The following UNC5D variants were observed in gnomAD, a reference collection of about 807,000 sequenced individuals.
UNC5D encodes the protein unc-5 netrin receptor D.
Under a neutral mutation model 105.4 loss-of-function variants are expected in UNC5D, and 39 were observed. The observed-to-expected ratio is 0.37, with a 90% CI of 0.29 to 0.48. The LOEUF (loss-of-function observed/expected upper bound fraction) is 0.48, where lower values mean the gene tolerates loss of function less well. Ranked by LOEUF, UNC5D falls within the 20% of genes least tolerant of loss-of-function variation. UNC5D has a pLI of 0.98. For synonymous variants in UNC5D, 452 were observed against 450.4 expected, an observed-to-expected ratio of 1.00 and a Z score of -0.04; for missense variants, 991 against 1,202.4, an observed-to-expected ratio of 0.82 and a Z score of 2.60.
intron 3 of UNC5D, among the ~76,000 whole-genome samples, chr8:35,569,758 G>A (rs1817596245): frequency 6.6e-6 from 1 of 152,172 alleles, no homozygotes; most frequent in Admixed American, 6.5e-5. Context: ...TCCCAGCATG[G>A]TCTCAATCAG....
intron 4 of UNC5D, among the ~76,000 whole-genome samples, chr8:35,606,030 C>T (rs1311216641): frequency 6.6e-6 from 1 of 151,776 alleles, no homozygotes; most frequent in East Asian, 1.9e-4. Context: ...CTCTGCCGCC[C>T]AGGCTGGAGT....
chr8:35,573,163 G>A (rs907097410), intron 3 of UNC5D, among the ~76,000 whole-genome samples: 5 of 152,182 alleles, frequency 3.3e-5, no homozygotes, highest in Non-Finnish European at 7.3e-5. Flanking sequence ...GGGTCTGTGG[G>A]ACATACTTTT....
chr8:35,360,490 G>A (rs1438228172), intron 1 of UNC5D, among the ~76,000 whole-genome samples: 2 of 152,126 alleles, frequency 1.3e-5, no homozygotes, highest in African/African-American at 2.4e-5. Flanking sequence ...TGATTGGCTT[G>A]ATGCACAGCT....
chr8:35,461,209 G>C (rs1398595322), intron 1 of UNC5D, among the ~76,000 whole-genome samples: 1 of 152,168 alleles, frequency 6.6e-6, no homozygotes, highest in Non-Finnish European at 1.5e-5. Context: ...TGATGGGTGA[G>C]TTGGTTAGGG....
rs117572055 is a variant in UNC5D at position 35,699,663 on chromosome 8, G to A, written c.1085-6266G>A. Among the ~76,000 whole-genome samples, 793 of 152,228 alleles carry A rather than the reference G, an allele frequency of 5.2e-3. 5 individuals are homozygous for A. Among genetic ancestry groups the A allele is most frequent in the Non-Finnish European group, 6.7e-3 (454 of 68,010 alleles). On this transcript the variant is annotated intron_variant, in intron 7 of 16. Transcript: ENST00000404895. Reference sequence around the variant, plus strand: ...CTCTGTGCTTGTCCTCCATGAGTACGCTCAGATTGCATTTTAAAAGGGGTA... The same window carrying A: ...CTCTGTGCTTGTCCTCCATGAGTACACTCAGATTGCATTTTAAAAGGGGTA...
intron 1 of UNC5D, among the ~76,000 whole-genome samples, chr8:35,516,913 G>A (rs1420846564): frequency 6.6e-6 from 1 of 152,148 alleles, no homozygotes; most frequent in Non-Finnish European, 1.5e-5. Context: ...ATATCATAAA[G>A]CAATAATCTA....
In UNC5D at chr8:35,754,700, T is replaced by C. The variant is rs549774582; in HGVS notation, c.2163+3891T>C. On this transcript the variant is annotated intron_variant, in intron 13 of 16. Transcript: ENST00000404895. The stretch of plus-strand genomic sequence containing the variant: ...TCTAAATAGGGACATTCTCTATTTT[T>C]AGTCCTGTCTTCCTTTCCCTGTACC... Among the ~76,000 whole-genome samples the C allele has an allele frequency of 3.9e-5, 6 of 152,302 alleles. No individual in the cohort carries two copies. The South Asian group carries it at 1.0e-3, about 26-fold the overall frequency.
chr8:35,352,506 AATTGT>A (rs1812306966), intron 1 of UNC5D, among the ~76,000 whole-genome samples: 1 of 152,186 alleles, frequency 6.6e-6, no homozygotes, highest in African/African-American at 2.4e-5. Context: ...ATTGCACTAT[AATTGT>A]ATTGATTCAA....
intron 1 of UNC5D, among the ~76,000 whole-genome samples, chr8:35,548,018 A>G (rs1815826481): frequency 6.6e-6 from 1 of 152,174 alleles, no homozygotes; most frequent in African/African-American, 2.4e-5. Flanking sequence ...AGAAGTCTCA[A>G]CCAGTCTAGT....
intron 1 of UNC5D, among the ~76,000 whole-genome samples, chr8:35,493,561 C>G (rs1004979603): frequency 2.6e-5 from 4 of 151,936 alleles, no homozygotes; most frequent in Non-Finnish European, 5.9e-5. Flanking sequence ...TTAAAGATGG[C>G]TTTAGGTTGT....
intron 1 of UNC5D, among the ~76,000 whole-genome samples, chr8:35,257,771 C>T (rs1804186480): frequency 6.6e-6 from 1 of 152,116 alleles, no homozygotes; most frequent in Non-Finnish European, 1.5e-5. Context: ...ATTTAACACA[C>T]CCATGCACCT....
At chr8:35,393,747 C>T (rs887565812) in intron 1 of UNC5D, among the ~76,000 whole-genome samples, 3 of 152,118 alleles carry the variant, frequency 2.0e-5, no homozygotes, top group African/African-American at 7.2e-5. Flanking sequence ...AGGAAACTCC[C>T]TCCTCCCTTT....
At chr8:35,682,828 C>A (rs186649611) in intron 4 of UNC5D, among the ~76,000 whole-genome samples, 6 of 152,078 alleles carry the variant, frequency 3.9e-5, no homozygotes, top group Non-Finnish European at 8.8e-5. Flanking sequence ...AAAACACATC[C>A]GAAATGGGAG....
chr8:35,571,976 C>G (rs541910800), intron 3 of UNC5D, among the ~76,000 whole-genome samples: 10 of 152,056 alleles, frequency 6.6e-5, no homozygotes, highest in Admixed American at 2.0e-4. Flanking sequence ...AATTATCCAG[C>G]AAGAATTACC....
At chr8:35,560,304 C>A (rs1202938966) in intron 2 of UNC5D, among the ~76,000 whole-genome samples, 5 of 152,186 alleles carry the variant, frequency 3.3e-5, no homozygotes, top group Non-Finnish European at 7.3e-5. Context: ...AAGTAAATAG[C>A]CGTTTCTGCA....
At chr8:35,254,287 C>G (rs1160036598) in intron 1 of UNC5D, 1 of 152,020 alleles carries the variant, frequency 6.6e-6, no homozygotes, top group Non-Finnish European at 1.5e-5. Flanking sequence ...ATTACCTGAC[C>G]ACTCCCATTA....
intron 4 of UNC5D, among the ~76,000 whole-genome samples, chr8:35,649,193 G>A (rs908740331): frequency 6.6e-6 from 1 of 152,140 alleles, no homozygotes; most frequent in African/African-American, 2.4e-5. Context: ...TCAATATAGA[G>A]GAACTATTAT....
chr8:35,552,084 C>A (rs970933656), intron 2 of UNC5D, among the ~76,000 whole-genome samples: 2 of 152,110 alleles, frequency 1.3e-5, no homozygotes, highest in African/African-American at 4.8e-5. Flanking sequence ...ATTCCCTATT[C>A]ATTTCAAATT....
chr8:35,262,407 T>A (rs1486346464), intron 1 of UNC5D, among the ~76,000 whole-genome samples: 1 of 152,326 alleles, frequency 6.6e-6, no homozygotes, highest in East Asian at 1.9e-4. Flanking sequence ...TTTTCTTAAA[T>A]ATTTGGCCTT....
Sources: gnomAD v4.1 joint callset for allele counts (sites outside exome capture counted in the v4.1 genomes callset) on GRCh38, gnomAD v4.1.1 for gene constraint, MANE v1.5 for transcripts, NCBI Gene and HGNC (gene_info 2026-07-23, HGNC 2026-07-21) for gene names.